HIVEP1: variants seen among roughly 807,000 people sequenced by gnomAD.
HIVEP1 encodes the protein HIVEP zinc finger 1.
Under a neutral mutation model 180.0 loss-of-function variants are expected in HIVEP1, and 36 were observed. The ratio of observed to expected loss-of-function variants is 0.20; its 90% CI spans 0.15 to 0.26. The LOEUF (loss-of-function observed/expected upper bound fraction) is 0.26. Ranked by LOEUF, HIVEP1 falls within the 10% of genes least tolerant of loss-of-function variation. The pLI, the probability that HIVEP1 is intolerant of heterozygous loss-of-function variation, is 1.00. For synonymous variants in HIVEP1, 1,239 were observed against 1,239.0 expected, an observed-to-expected ratio of 1.00 and a Z score of 0.00; for missense variants, 3,143 against 3,268.7, an observed-to-expected ratio of 0.96 and a Z score of 0.94.
chr6:12,168,100 C>CATAT (rs1562024467), downstream of HIVEP1, among the ~76,000 whole-genome samples: 1 of 19,854 alleles, frequency 5.0e-5, no homozygotes, highest in Non-Finnish European at 1.2e-4. Flanking sequence ...TACACATACA[C>CATAT]GTATATATGT....
At chr6:12,211,273 G>A in the HIVEP1 span, among the ~76,000 whole-genome samples, 35 of 89,546 alleles carry the variant, frequency 3.9e-4, no homozygotes, top group African/African-American at 1.5e-3. Context: ...GGTGGCAGGT[G>A]CCTGTAGTCC....
At chr6:12,050,790 C>T (rs1770460328) in intron 2 of HIVEP1, among the ~76,000 whole-genome samples, 1 of 151,698 alleles carries the variant, frequency 6.6e-6, no homozygotes, top group African/African-American at 2.4e-5. Context: ...CCTAAGTAGG[C>T]CTTTCCTGCT....
In HIVEP1 at chr6:12,125,739, A is replaced by G. The variant is rs201234299; in HGVS notation, c.5944A>G (p.Thr1982Ala). Reference sequence around the variant, plus strand: ...TAATCCAAATCCACTCGGTTTGCCCACAAAAGTTGCACTTGCTCTCCTTAA... The same window carrying G: ...TAATCCAAATCCACTCGGTTTGCCCGCAAAAGTTGCACTTGCTCTCCTTAA... Reference protein sequence around the residue: ...ASNPNPLGLPTKVALALLNSK... With the variant: ...ASNPNPLGLPAKVALALLNSK... The change falls in exon 4 of 9, where the codon ACA becomes GCA. Residue 1982 changes from threonine (T) to alanine (A), a missense_variant. Physicochemically the swap from Thr to Ala is moderately conservative, Grantham distance 58. This residue lies in a region of HIVEP1 where 1,357 missense variants were observed against 1,260.5 expected (regional missense o/e 1.08). Transcript: ENST00000379388. 1.2e-4 allele frequency: 195 copies of G among 1,614,100 alleles called. No individual in the cohort carries two copies. Among genetic ancestry groups the G allele is most frequent in the Non-Finnish European group, 1.5e-4 (181 of 1,180,028 alleles).
chr6:12,109,059 A>T (rs1397859903), intron 3 of HIVEP1, among the ~76,000 whole-genome samples: 1 of 152,146 alleles, frequency 6.6e-6, no homozygotes, highest in Non-Finnish European at 1.5e-5. Context: ...GGCTTACTGC[A>T]AGCTCCGCCT....
intron 3 of HIVEP1, among the ~76,000 whole-genome samples, chr6:12,095,678 A>G (rs938840654): frequency 2.6e-5 from 4 of 151,998 alleles, no homozygotes; most frequent in Admixed American, 6.5e-5. Flanking sequence ...CATAGATTTT[A>G]TGTTAGAAAT....
At position 12,093,081 on chromosome 6, in the gene HIVEP1, C is replaced by A. The variant is rs577788706; in HGVS notation, c.94+3844C>A. Among the ~76,000 whole-genome samples, 21 of 152,160 alleles carry A rather than the reference C, an allele frequency of 1.4e-4. No individual in the cohort carries two copies. In the South Asian group the frequency reaches 3.9e-3, roughly 29 times the overall value. ...ATACTCTAAATTAGGTTTGTGTTTG[C>A]GCACTAAATGAGGTTGTAGTTTGTT... On this transcript the variant is annotated intron_variant, in intron 3 of 8. Coordinates refer to ENST00000379388, the MANE Select transcript of HIVEP1 (RefSeq NM_002114.4).
At chr6:12,088,064 A>G (rs1773219108) in intron 2 of HIVEP1, among the ~76,000 whole-genome samples, 1 of 152,178 alleles carries the variant, frequency 6.6e-6, no homozygotes, top group Non-Finnish European at 1.5e-5. Flanking sequence ...TGTAAATAGA[A>G]GGTTCTCTGA....
chr6:12,159,213 C>T lies in HIVEP1; in HGVS notation c.6488-2226C>T, dbSNP rs559531034. ...GTACGTGTGTGTGTGTGTGTGCGCG[C>T]GCGCGTGCACGTGCACGCTTGTGTG... On this transcript the variant is annotated intron_variant, in intron 7 of 8. Coordinates refer to ENST00000379388, the MANE Select transcript of HIVEP1 (RefSeq NM_002114.4). 1.4e-4 allele frequency among the ~76,000 whole-genome samples: 22 copies of T among 152,018 alleles called. No homozygotes were observed. The East Asian group carries it at 2.5e-3, about 17-fold the overall frequency.
Position 12,163,645 on chromosome 6 carries a change from A to C in HIVEP1, c.7341A>C (p.Glu2447Asp), listed in dbSNP as rs1459777545. ...GTACTCATAGGAATACGGTCACAGAAGTGTCTGGCACTACAAACCCTGCTG... is the reference window on the plus strand; with the variant it reads ...GTACTCATAGGAATACGGTCACAGACGTGTCTGGCACTACAAACCCTGCTG... ...TLGTHRNTVT[E>D]VSGTTNPAGV... The change falls in exon 9 of 9, where the codon GAA (glutamate) becomes GAC (aspartate). Residue 2447 changes from glutamate (E) to aspartate (D), a missense_variant. Glu to Asp is a conservative substitution (Grantham distance 45, BLOSUM62 2). Transcript: ENST00000379388. 2 of 1,614,050 alleles carry C rather than the reference A, an allele frequency of 1.2e-6. No individual in the cohort carries two copies. Among genetic ancestry groups the C allele is most frequent in the Non-Finnish European group, 1.7e-6 (2 of 1,180,048 alleles).
At chr6:12,151,755 T>A (rs937860850) in intron 7 of HIVEP1, among the ~76,000 whole-genome samples, 3 of 152,198 alleles carry the variant, frequency 2.0e-5, no homozygotes, top group African/African-American at 7.2e-5. Context: ...ACTGTGACTG[T>A]AGCACAAAAG....
rs558000456 is a variant in HIVEP1, at chr6:12,088,221, G to A, written c.41-963G>A. 4.6e-5 allele frequency among the ~76,000 whole-genome samples: 7 copies of A among 152,190 alleles called. No individual in the cohort carries two copies. In the East Asian group the frequency reaches 1.4e-3, roughly 30 times the overall value. On this transcript the variant is annotated intron_variant, in intron 2 of 8. Transcript: ENST00000379388. ...CTTCCATGGCCAGTGAGCAGCGGTA[G>A]GGTCAGCATTGGAGACAACTTCTGA...
At chr6:12,090,405 T>C (rs545958769) in intron 3 of HIVEP1, among the ~76,000 whole-genome samples, 2 of 152,236 alleles carry the variant, frequency 1.3e-5, no homozygotes, top group African/African-American at 4.8e-5. Flanking sequence ...GGGAAATAAT[T>C]TCCTGCCATC....
chr6:12,029,161 C>T (rs1020623491), intron 2 of HIVEP1, among the ~76,000 whole-genome samples: 2 of 152,170 alleles, frequency 1.3e-5, no homozygotes, highest in African/African-American at 4.8e-5. Flanking sequence ...TGTAAGCAAT[C>T]CCATACAAAT....
Position 12,152,775 on chromosome 6 carries a change from A to G in HIVEP1, c.6488-8664A>G, listed in dbSNP as rs915084217. The stretch of plus-strand genomic sequence containing the variant: ...GCCCCTCCTACATCCTCTCCAAGCT[A>G]CAGGCATGTGGCTCATCCAGGAGGG... On this transcript the variant is annotated intron_variant, in intron 7 of 8. Coordinates refer to ENST00000379388, the MANE Select transcript of HIVEP1 (RefSeq NM_002114.4). Among the ~76,000 whole-genome samples the G allele has an allele frequency of 7.9e-5, 12 of 152,120 alleles. 1 individual carries two copies. The highest frequency in any genetic ancestry group is 2.7e-4 in the African/African-American group (11 of 41,494).
At chr6:12,195,879 C>T in the HIVEP1 span, among the ~76,000 whole-genome samples, 1 of 152,182 alleles carries the variant, frequency 6.6e-6, no homozygotes, top group African/African-American at 2.4e-5. Context: ...TAGAACTACT[C>T]TGCTGGATAA....
chr6:12,060,200 A>G (rs1771134958), intron 2 of HIVEP1, among the ~76,000 whole-genome samples: 1 of 152,242 alleles, frequency 6.6e-6, no homozygotes, highest in Non-Finnish European at 1.5e-5. Context: ...ACATACTTTA[A>G]AATCTGACAT....
intron 2 of HIVEP1, among the ~76,000 whole-genome samples, chr6:12,074,038 T>A (rs1489232780): frequency 6.6e-6 from 1 of 152,238 alleles, no homozygotes; most frequent in Admixed American, 6.5e-5. Context: ...ATCACTGTTC[T>A]TTCTTCCTTG....
chr6:12,109,973 C>T (rs972595116), intron 3 of HIVEP1, among the ~76,000 whole-genome samples: 5 of 152,226 alleles, frequency 3.3e-5, no homozygotes, highest in African/African-American at 1.2e-4. Flanking sequence ...TATTACCAGG[C>T]ATGAAAACAA....
chr6:12,119,661 A>G (rs1432636087), intron 3 of HIVEP1, among the ~76,000 whole-genome samples: 1 of 152,262 alleles, frequency 6.6e-6, no homozygotes, highest in East Asian at 1.9e-4. Flanking sequence ...TAAGCATTCT[A>G]GAAATGCACA....
Sources: gnomAD v4.1 joint callset for allele counts (sites outside exome capture counted in the v4.1 genomes callset) on GRCh38, gnomAD v4.1.1 for gene constraint, gnomAD v4.1.1 regional missense constraint, MANE v1.5 for transcripts, NCBI Gene and HGNC (gene_info 2026-07-23, HGNC 2026-07-21) for gene names.